The following PTPRF variants were observed in gnomAD, a reference collection of about 807,000 sequenced individuals.
PTPRF encodes the protein protein tyrosine phosphatase receptor type F.
Under a neutral mutation model 201.8 loss-of-function variants are expected in PTPRF, and 59 were observed. The ratio of observed to expected loss-of-function variants is 0.29; its 90% confidence interval spans 0.24 to 0.36. The LOEUF (loss-of-function observed/expected upper bound fraction) is 0.36, where lower values mean the gene tolerates loss of function less well. Among genes scored for constraint, PTPRF ranks in the 10% least tolerant of loss-of-function variants. The probability of loss-of-function intolerance (pLI) is 1.00; values close to 1 mark genes in which losing one functional copy is unlikely to be tolerated. For synonymous variants in PTPRF, 1,088 were observed against 1,089.7 expected, an observed-to-expected ratio of 1.00 and a Z score of 0.03; for missense variants, 2,132 against 2,690.5, an observed-to-expected ratio of 0.79 and a Z score of 4.59.
intron 5 of PTPRF, among the ~76,000 whole-genome samples, chr1:43,556,496 G>T (rs1037968096): frequency 6.6e-6 from 1 of 152,018 alleles, no homozygotes; most frequent in Non-Finnish European, 1.5e-5. Context: ...TCCTGACCTC[G>T]CCCGCCTTGG....
chr1:43,555,876 G>A (rs373313441), intron 5 of PTPRF, among the ~76,000 whole-genome samples: 2 of 152,112 alleles, frequency 1.3e-5, no homozygotes, highest in Non-Finnish European at 2.9e-5. Context: ...CATACACGTC[G>A]TTGCAGATGG....
chr1:43,612,491 A>G (rs16831008), intron 22 of PTPRF, among the ~76,000 whole-genome samples: 5,336 of 152,262 alleles, frequency 0.035, 326 homozygotes, highest in African/African-American at 0.12. Context: ...ATTTAGTCAT[A>G]GAGCCCCCCA....
chr1:43,568,037 T>G (rs988618183), intron 5 of PTPRF, among the ~76,000 whole-genome samples: 1 of 152,140 alleles, frequency 6.6e-6, no homozygotes, highest in African/African-American at 2.4e-5. Context: ...GGCTCACAGC[T>G]GTAATCCCAG....
At position 43,542,134 on chromosome 1, in the gene PTPRF, C is replaced by T. The variant is rs997576939; in HGVS notation, c.-45-2897C>T. Among the ~76,000 whole-genome samples the T allele has an allele frequency of 3.3e-5, 5 of 152,148 alleles. No homozygotes were observed. Among genetic ancestry groups the T allele is most frequent in the African/African-American group, 1.2e-4 (5 of 41,422 alleles). On this transcript the variant is annotated intron_variant, in intron 2 of 33. Coordinates refer to ENST00000359947, the MANE Select transcript of PTPRF (RefSeq NM_002840.5). This position sits in a 1 kb window ranked among gnomAD's most constrained non-coding sequence, Gnocchi z 5.2. ...GGGGGCCAAGGTCTACTCTTGAGGCCAGGCCTGGGGATCCAGGGCTGCTCT... is the reference window on the plus strand; with the variant it reads ...GGGGGCCAAGGTCTACTCTTGAGGCTAGGCCTGGGGATCCAGGGCTGCTCT...
chr1:43,563,974 C>T (rs774928940), intron 5 of PTPRF, among the ~76,000 whole-genome samples: 14 of 152,162 alleles, frequency 9.2e-5, no homozygotes, highest in Middle Eastern at 6.8e-3. Flanking sequence ...CAGGGAAACC[C>T]GAGGAAGGAG....
intron 3 of PTPRF, among the ~76,000 whole-genome samples, chr1:43,550,327 G>C (rs1364594653): frequency 6.6e-6 from 1 of 152,112 alleles, no homozygotes; most frequent in East Asian, 1.9e-4. Flanking sequence ...TCTCCTCTCC[G>C]CTTCTTTGTT....
intron 7 of PTPRF, among the ~76,000 whole-genome samples, chr1:43,585,687 T>A (rs1648955917): frequency 6.6e-6 from 1 of 152,238 alleles, no homozygotes; most frequent in South Asian, 2.1e-4. Context: ...GGCGTTGGCC[T>A]GACCTCCAGG....
At chr1:43,591,700 G>A in intron 9 of PTPRF, 112 bp from the exon 10 acceptor site, 1 of 1,470,088 alleles carries the variant, frequency 6.8e-7, no homozygotes, top group South Asian at 1.3e-5. Flanking sequence ...TGGTCAGTTG[G>A]GATGTAGGAT....
chr1:43,545,089 C>G lies in PTPRF; in HGVS notation c.14C>G (p.Pro5Arg). 6.3e-7 allele frequency: 1 copy of G among 1,581,436 alleles called. No homozygotes were observed. Among genetic ancestry groups the G allele is most frequent in the Non-Finnish European group, 8.6e-7 (1 of 1,163,310 alleles). MAPE[P>R]APGRTMVPLV... is the part of the protein sequence containing the mutation. ...CTAGAGCCCTGGATGGCCCCTGAGC[C>G]AGCCCCAGGGAGGACGATGGTGCCC... The change falls in exon 3 of 34, where the codon CCA becomes CGA. Residue 5 changes from proline to arginine, a missense_variant. Transcript: ENST00000359947.
chr1:43,591,168 C>T lies in PTPRF; in HGVS notation c.1146C>T (p.Phe382=), dbSNP rs753240090. The T allele has an allele frequency of 1.9e-6, 3 of 1,613,052 alleles. No individual in the cohort carries two copies. The highest frequency in any genetic ancestry group is 2.5e-6 in the Non-Finnish European group (3 of 1,179,870). The change falls in exon 9 of 34, where the codon TTC becomes TTT. Residue 382 remains phenylalanine (F), a synonymous_variant. Transcript: ENST00000359947. The stretch of plus-strand genomic sequence containing the variant: ...ACAGCATTGGCGGCCTCAGCCCTTT[C>T]TCGGAATATGCCTTCCGCGTGCTGG... The part of the protein sequence containing the change: ...TRYSIGGLSP[F]SEYAFRVLAV...
rs1036816195 is a variant in PTPRF, at chr1:43,585,567, T to G, written c.680-3164T>G. ...CACACTTATGCCTAGCCCCTAGAGC[T>G]CTCCCTGCCCCCTGCATCTAGGAGG... On this transcript the variant is annotated intron_variant, in intron 7 of 33. Coordinates refer to ENST00000359947, the MANE Select transcript of PTPRF (RefSeq NM_002840.5). 4.6e-5 allele frequency among the ~76,000 whole-genome samples: 7 copies of G among 151,998 alleles called. No homozygotes were observed. The East Asian group carries it at 1.2e-3, about 25-fold the overall frequency.
chr1:43,591,979 G>T (rs771070641), intron 10 of PTPRF, 31 bp downstream of exon 10: 29 of 1,610,556 alleles, frequency 1.8e-5, no homozygotes, highest in Non-Finnish European at 2.4e-5. Context: ...CACTGAGGGG[G>T]TCTCCTGGTC....
chr1:43,598,896 A>C lies in PTPRF; in HGVS notation c.2296A>C (p.Met766Leu). ...TGGACTCCCCATCATCCAAGACGTC[A>C]TGCTAGCCGAGGCCCAGGTGCAGCA... ...PRGLPIIQDV[M>L]LAEAQWRPEE... Residue 766 changes from methionine (M) to leucine (L), a missense_variant, in exon 13 of 34, where the codon ATG (methionine) becomes CTG (leucine). By Grantham distance (15) the Met-to-Leu change is conservative (BLOSUM62 2). Around this residue, in one of 6 missense-constraint regions of PTPRF, gnomAD observed 818 missense variants for 915.3 expected, o/e 0.89. Coordinates refer to ENST00000359947, the MANE Select transcript of PTPRF (RefSeq NM_002840.5). The C allele has an allele frequency of 1.2e-6, 2 of 1,613,726 alleles. No individual in the cohort carries two copies. The highest frequency in any genetic ancestry group is 1.7e-6 in the Non-Finnish European group (2 of 1,179,880).
At chr1:43,605,767 G>A in intron 19 of PTPRF, 145 bp downstream of exon 19, 1 of 780,866 alleles carries the variant, frequency 1.3e-6, no homozygotes, top group Non-Finnish European at 2.1e-6. Flanking sequence ...CCCCTCTCTG[G>A]AGAGAGGGAC....
chr1:43,585,922 G>A (rs1438892252), intron 7 of PTPRF, among the ~76,000 whole-genome samples: 2 of 152,188 alleles, frequency 1.3e-5, no homozygotes, highest in Non-Finnish European at 2.9e-5. Flanking sequence ...CCCTGGCACA[G>A]GCTGTCTAAA....
rs780294143 is a variant in PTPRF at position 43,598,749 on chromosome 1, G to T, written c.2149G>T (p.Val717Leu). Residue 717 changes from valine to leucine, a missense_variant, in exon 13 of 34, where the codon GTG becomes TTG. By Grantham distance (32) the Val-to-Leu change is conservative. Transcript: ENST00000359947. ...VPSGPPRKVE[V>L]EPLNSTAVHV... ...CAGCGGGCCTCCGCGGAAGGTGGAG[G>T]TGGAGCCACTGAACTCCACTGCTGT... The T allele has an allele frequency of 8.7e-6, 14 of 1,613,886 alleles. 1 individual carries two copies. The African/African-American group carries it at 1.9e-4, about 22-fold the overall frequency.
chr1:43,619,498 C>T lies in PTPRF; in HGVS notation c.4857C>T (p.Asn1619=), dbSNP rs761890918. The change falls in exon 28 of 34, where the codon AAC becomes AAT. Residue 1619 remains asparagine (N), a synonymous_variant. Transcript: ENST00000359947. ...TCGHTEVPAR[N]LYAHIQKLGQ... The stretch of plus-strand genomic sequence containing the variant: ...GCCACACAGAGGTGCCTGCCCGCAA[C>T]CTGTATGCCCACATCCAGAAGCTGG... 2 of 1,614,050 alleles carry T rather than the reference C, an allele frequency of 1.2e-6. No individual in the cohort carries two copies. Among genetic ancestry groups the T allele is most frequent in the Non-Finnish European group, 1.7e-6 (2 of 1,180,040 alleles).
At chr1:43,523,195 T>A (rs964900103), upstream of PTPRF, among the ~76,000 whole-genome samples, 1 of 145,474 alleles carries the variant, frequency 6.9e-6, no homozygotes, top group African/African-American at 2.6e-5. Context: ...TGGTGGGAGA[T>A]CTTGGGCATG....
chr1:43,536,632 G>A (rs1644029022), intron 1 of PTPRF, among the ~76,000 whole-genome samples: 1 of 152,252 alleles, frequency 6.6e-6, no homozygotes, highest in Admixed American at 6.5e-5. Flanking sequence ...ATACTGTGAG[G>A]CCCTGCGGGC....
Sources: allele counts gnomAD v4.1 joint callset (sites outside exome capture counted in the v4.1 genomes callset), GRCh38; gene constraint gnomAD v4.1.1; regional missense constraint gnomAD v4.1.1; non-coding constraint Gnocchi (gnomAD v3.1); transcripts MANE v1.5; gene names NCBI Gene and HGNC (gene_info 2026-07-23, HGNC 2026-07-21).